Variants in KHDC1 observed in about 807,000 individuals in gnomAD.
KHDC1 encodes KH homology domain-containing protein 1.
KHDC1 carries 21 observed loss-of-function variants against 24.7 expected under a neutral mutation model. The observed-to-expected ratio is 0.85, with a 90% CI of 0.60 to 1.23. The LOEUF (loss-of-function observed/expected upper bound fraction) is 1.23, where lower values mean the gene tolerates loss of function less well. KHDC1 is among the 50% of genes most tolerant of loss of function. The pLI is 0.00. For missense variants in KHDC1, 274 were observed against 298.5 expected, an observed-to-expected ratio of 0.92 and a Z score of 0.61; for synonymous variants, 98 against 111.7, an observed-to-expected ratio of 0.88 and a Z score of 0.77.
intron 4 of KHDC1, 122 bp from the exon 4 acceptor site, chr6:73,241,850 G>C: frequency 8.7e-7 from 1 of 1,151,596 alleles, no homozygotes; most frequent in Admixed American, 2.5e-5. Flanking sequence ...TTCCAAGGTA[G>C]CCCATTTACA....
At chr6:73,267,928 C>T (rs1449077768) in intron 2 of KHDC1, 1 of 152,174 alleles carries the variant, frequency 6.6e-6, no homozygotes, top group African/African-American at 2.4e-5. Context: ...CATCCGCCTC[C>T]TGGGTTCAAG....
intron 2 of KHDC1, among the ~76,000 whole-genome samples, chr6:73,258,256 A>C (rs1766916643): frequency 6.6e-6 from 1 of 152,164 alleles, no homozygotes; most frequent in South Asian, 2.1e-4. Flanking sequence ...CTCCGTCTCT[A>C]AATAAATAAA....
At chr6:73,241,941 A>G in intron 4 of KHDC1, 114 bp downstream of exon 3, 1 of 1,218,114 alleles carries the variant, frequency 8.2e-7, no homozygotes, top group Non-Finnish European at 1.1e-6. Flanking sequence ...GACTCTGGGA[A>G]GCACTTGGAT....
At chr6:73,286,226 G>C (rs756031041) in intron 2 of KHDC1, among the ~76,000 whole-genome samples, 1 of 152,048 alleles carries the variant, frequency 6.6e-6, no homozygotes, top group Non-Finnish European at 1.5e-5. Flanking sequence ...TCGTTTGTGT[G>C]GGGTTTTTTT....
chr6:73,301,057 A>G (rs2150752418), intron 1 of KHDC1: 1 of 152,304 alleles, frequency 6.6e-6, no homozygotes, highest in Admixed American at 6.5e-5. Context: ...TCTACTAAAA[A>G]TACAAAAAAT....
At chr6:73,280,847 T>C (rs544237893) in intron 2 of KHDC1, among the ~76,000 whole-genome samples, 1 of 152,098 alleles carries the variant, frequency 6.6e-6, no homozygotes, top group Non-Finnish European at 1.5e-5. Context: ...GCTTTTTAAA[T>C]CTTGTCAGTT....
intron 1 of KHDC1, among the ~76,000 whole-genome samples, chr6:73,308,390 T>C (rs1009678549): frequency 1.3e-5 from 2 of 151,770 alleles, no homozygotes; most frequent in African/African-American, 4.8e-5. Context: ...TTTGTATTTT[T>C]AGTAGAGATG....
At chr6:73,306,798 AGAGAT>A (rs569553130) in intron 1 of KHDC1, among the ~76,000 whole-genome samples, 246 of 152,206 alleles carry the variant, frequency 1.6e-3, no homozygotes, top group Middle Eastern at 6.8e-3. Context: ...CACGAGGTCA[AGAGAT>A]CGAGACCATC....
intron 2 of KHDC1, among the ~76,000 whole-genome samples, chr6:73,267,428 A>G (rs1767093896): frequency 6.6e-6 from 1 of 152,210 alleles, no homozygotes; most frequent in Non-Finnish European, 1.5e-5. Flanking sequence ...GGTTGGAGTG[A>G]GCTGAGATCA....
chr6:73,264,843 C>T (rs1174750446), intron 2 of KHDC1, among the ~76,000 whole-genome samples: 1 of 152,166 alleles, frequency 6.6e-6, no homozygotes, highest in East Asian at 1.9e-4. Flanking sequence ...CTAATGACCT[C>T]GAAGGCCAGT....
At chr6:73,309,849 G>A (rs1485708457) in exon 1 of KHDC1, 1 of 1,031,112 alleles carries the variant, frequency 9.7e-7, no homozygotes, top group Non-Finnish European at 1.4e-6. Flanking sequence ...CGAAGGAAAG[G>A]GCCACTTCGG....
chr6:73,299,931 G>C (rs1767836611), intron 1 of KHDC1: 1 of 152,316 alleles, frequency 6.6e-6, no homozygotes, highest in Non-Finnish European at 1.5e-5. Flanking sequence ...CACAGGGGTA[G>C]TTGAGTGAGC....
chr6:73,247,529 C>T (rs1352621100), intron 2 of KHDC1, among the ~76,000 whole-genome samples: 1 of 152,114 alleles, frequency 6.6e-6, no homozygotes, highest in African/African-American at 2.4e-5. Flanking sequence ...CAGCTGAGCC[C>T]CTTTCTGTGC....
intron 2 of KHDC1, chr6:73,269,920 A>G (rs1259569330): frequency 2.0e-5 from 3 of 152,062 alleles, no homozygotes; most frequent in African/African-American, 7.2e-5. Context: ...GGCATGGACC[A>G]CTATGCCTGG....
intron 2 of KHDC1, among the ~76,000 whole-genome samples, chr6:73,276,879 ATG>A (rs1307084013): frequency 2.0e-5 from 3 of 152,232 alleles, no homozygotes; most frequent in African/African-American, 7.2e-5. Context: ...TAAAAAATAA[ATG>A]TAAAATATAC....
intron 4 of KHDC1, 83 bp from the exon 4 acceptor site, chr6:73,241,811 G>A: frequency 6.9e-7 from 1 of 1,459,380 alleles, no homozygotes. Context: ...CAGGGAGGCT[G>A]CAGGGAGGAT....
At chr6:73,257,429 G>A (rs1015869923) in intron 2 of KHDC1, among the ~76,000 whole-genome samples, 1 of 152,190 alleles carries the variant, frequency 6.6e-6, no homozygotes, top group Non-Finnish European at 1.5e-5. Flanking sequence ...GTTTTGAGAC[G>A]AAGTCTCACT....
rs1185029294 is a variant in KHDC1 at position 73,284,176 on chromosome 6, T to C, written c.206+7822A>G. On this transcript the variant is annotated intron_variant, in intron 2 of 4. Coordinates refer to ENST00000370384, the Ensembl canonical transcript of KHDC1. ...ATGAAAACCCACAATATTAGGATTA[T>C]GAGAGGGCCTGACTTCTGCCAAAAT... Among the ~76,000 whole-genome samples, 3 of 152,190 alleles carry C rather than the reference T, an allele frequency of 2.0e-5. No individual in the cohort carries two copies. The East Asian group carries it at 5.8e-4, about 29-fold the overall frequency.
chr6:73,242,407 G>A (rs372154414), exon 3 of KHDC1: 29 of 1,614,040 alleles, frequency 1.8e-5, no homozygotes, highest in Middle Eastern at 1.6e-4. Context: ...GCCACTCACC[G>A]AAGATGAGCT....
Sources: allele counts gnomAD v4.1 joint callset (sites outside exome capture counted in the v4.1 genomes callset), GRCh38; gene constraint gnomAD v4.1.1; transcripts MANE v1.5; gene names NCBI Gene and HGNC (gene_info 2026-07-23, HGNC 2026-07-21).